Variants in ZMYND8 observed in about 807,000 individuals in gnomAD.
ZMYND8 encodes the protein MYND-type zinc finger-containing chromatin reader ZMYND8.
ZMYND8 carries 37 observed loss-of-function variants against 140.8 expected under a neutral mutation model. The ratio of observed to expected loss-of-function variants is 0.26; its 90% CI spans 0.20 to 0.35. The LOEUF (loss-of-function observed/expected upper bound fraction) is 0.35. Ranked by LOEUF, ZMYND8 falls within the 10% of genes least tolerant of loss-of-function variation. ZMYND8 has a pLI of 1.00. For synonymous variants in ZMYND8, 592 were observed against 597.1 expected, an observed-to-expected ratio of 0.99 and a Z score of 0.12; for missense variants, 1,068 against 1,570.0, an observed-to-expected ratio of 0.68 and a Z score of 5.40.
chr20:47,340,807 TA>T (rs11481340), intron 2 of ZMYND8, among the ~76,000 whole-genome samples: 621 of 133,304 alleles, frequency 4.7e-3, no homozygotes, highest in Middle Eastern at 0.026. Flanking sequence ...TTTTTTAATG[TA>T]AAAAAAAAAA....
At chr20:47,261,178 G>A (rs995960682) in intron 12 of ZMYND8, among the ~76,000 whole-genome samples, 4 of 152,106 alleles carry the variant, frequency 2.6e-5, no homozygotes, top group Admixed American at 6.6e-5. Flanking sequence ...CCAAGATCAC[G>A]CCATTGCATT....
intron 11 of ZMYND8, among the ~76,000 whole-genome samples, chr20:47,264,072 C>A (rs1234668520): frequency 6.6e-6 from 1 of 152,050 alleles, no homozygotes. Flanking sequence ...CAGAGCGGCC[C>A]CCCACAAGAA....
chr20:47,332,605 G>A (rs1043931012), intron 2 of ZMYND8, among the ~76,000 whole-genome samples: 22 of 152,156 alleles, frequency 1.4e-4, no homozygotes, highest in African/African-American at 4.3e-4. Context: ...AGCTACTCAA[G>A]AGGCTGAGAT....
intron 22 of ZMYND8, 92 bp downstream of exon 22, chr20:47,212,550 C>T: frequency 7.0e-7 from 1 of 1,428,134 alleles, no homozygotes; most frequent in Non-Finnish European, 9.9e-7. Context: ...GACACACCCA[C>T]AAAGGAACAC....
intron 12 of ZMYND8, among the ~76,000 whole-genome samples, chr20:47,252,390 G>C (rs947405214): frequency 2.0e-5 from 3 of 151,936 alleles, no homozygotes; most frequent in African/African-American, 4.8e-5. Context: ...GACAGCAAAG[G>C]GGGAGGGATT....
chr20:47,211,682 C>CT (rs1460026935), intron 22 of ZMYND8, among the ~76,000 whole-genome samples: 9 of 152,316 alleles, frequency 5.9e-5, no homozygotes, highest in Admixed American at 5.9e-4. Context: ...CAGCCAAGCC[C>CT]TAAGATCCCA....
In ZMYND8 at chr20:47,210,777, T is replaced by G. The variant is rs777034279; in HGVS notation, c.3689A>C (p.Asp1230Ala). ...KSLLPKESRL[D>A]TFWD ...GATTCACTGCTAGTCCCAGAAGGTG[T>G]CCAGCCGAGACTCTTTCGGGAGGAG... The change falls in exon 23 of 23, where the codon GAC (aspartate) becomes GCC (alanine). Residue 1230 changes from aspartate to alanine, a missense_variant. Asp to Ala is a moderately radical substitution (Grantham distance 126, BLOSUM62 -2). Around this residue, in one of 10 missense-constraint regions of ZMYND8, gnomAD observed 180 missense variants for 187.8 expected, o/e 0.96. Transcript: ENST00000471951. 9 of 1,614,012 alleles carry G rather than the reference T, an allele frequency of 5.6e-6. No individual in the cohort carries two copies. Among genetic ancestry groups the G allele is most frequent in the Non-Finnish European group, 6.8e-6 (8 of 1,180,046 alleles).
intron 22 of ZMYND8, among the ~76,000 whole-genome samples, chr20:47,212,412 C>T (rs771372100): frequency 3.3e-5 from 5 of 152,164 alleles, no homozygotes; most frequent in African/African-American, 9.7e-5. Flanking sequence ...AGAGCGAGGA[C>T]GATCTCCATC....
intron 1 of ZMYND8, chr20:47,354,520 T>A (rs1269149122): frequency 6.6e-6 from 1 of 152,230 alleles, no homozygotes; most frequent in East Asian, 1.9e-4. Flanking sequence ...ATTAACTGCC[T>A]GCAGTTTTAC....
At chr20:47,257,000 AC>A (rs1476991808) in intron 12 of ZMYND8, among the ~76,000 whole-genome samples, 4 of 152,152 alleles carry the variant, frequency 2.6e-5, no homozygotes, top group African/African-American at 4.8e-5. Flanking sequence ...GAGAAAGCAA[AC>A]AGGAGTCTGG....
chr20:47,326,388 C>T (rs1429037617), intron 2 of ZMYND8, among the ~76,000 whole-genome samples: 1 of 152,254 alleles, frequency 6.6e-6, no homozygotes, highest in South Asian at 2.1e-4. Flanking sequence ...AGGCGTGAGC[C>T]ACCATGCCCG....
rs377161786 is a variant in ZMYND8, at chr20:47,249,344, G to A, written c.1717C>T (p.Arg573Cys). The A allele has an allele frequency of 1.9e-6, 3 of 1,614,100 alleles. No individual in the cohort carries two copies. Among genetic ancestry groups the A allele is most frequent in the South Asian group, 1.1e-5 (1 of 91,076 alleles). The change falls in exon 13 of 23, where the codon CGT (arginine) becomes TGT (cysteine). Residue 573 changes from arginine to cysteine, a missense_variant. Transcript: ENST00000471951. Reference sequence around the variant, plus strand: ...TCAAGATTCAGCTGGAACCTGCTACGAATCTGGCGCTTGGGAGAGATGAGA... The same window carrying A: ...TCAAGATTCAGCTGGAACCTGCTACAAATCTGGCGCTTGGGAGAGATGAGA... ...VPLISPKRQI[R>C]SRFQLNLDKT...
intron 10 of ZMYND8, among the ~76,000 whole-genome samples, chr20:47,277,708 T>C (rs998928021): frequency 2.0e-5 from 3 of 151,950 alleles, no homozygotes; most frequent in African/African-American, 4.8e-5. Flanking sequence ...TCTCGCTCTA[T>C]TGCCCAGGCT....
intron 14 of ZMYND8, 118 bp from the exon 15 acceptor site, chr20:47,239,256 A>G (rs1242500741): frequency 9.7e-6 from 13 of 1,341,112 alleles, no homozygotes; most frequent in Middle Eastern, 2.7e-4. Flanking sequence ...TGCCGAACCA[A>G]TTCGACGTGC....
rs1251124265 is a variant in ZMYND8, at chr20:47,345,840, GGA to G, written c.85+2014_85+2015del. ...TTTTTTTTTAATAGAGATGGGGGCG[GGA>G]GGGGGGGGTCTCGTTAAGTTGCCCA... On this transcript the variant is annotated intron_variant, in intron 2 of 22. Transcript: ENST00000471951. Among the ~76,000 whole-genome samples, 96 of 150,574 alleles carry G rather than the reference GGA, an allele frequency of 6.4e-4. 1 individual carries two copies. The highest frequency in any genetic ancestry group is 3.4e-3 in the Middle Eastern group (1 of 294).
intron 1 of ZMYND8, chr20:47,349,257 GT>G (rs1327466525): frequency 6.6e-6 from 1 of 152,334 alleles, no homozygotes; most frequent in African/African-American, 2.4e-5. Context: ...AAGAAAGGTA[GT>G]TGGGTTTAAA....
chr20:47,255,744 A>ACGG (rs1413677672), intron 12 of ZMYND8, among the ~76,000 whole-genome samples: 1 of 56,664 alleles, frequency 1.8e-5, no homozygotes, highest in African/African-American at 7.3e-5. Context: ...ATATATATAT[A>ACGG]TATATATATA....
At chr20:47,285,863 GAGAAAGC>G in intron 8 of ZMYND8, 1 of 976,748 alleles carries the variant, frequency 1.0e-6, no homozygotes, top group Non-Finnish European at 1.2e-6. Flanking sequence ...TAAACTAAGT[GAGAAAGC>G]AGTTTATAAA....
intron 2 of ZMYND8, among the ~76,000 whole-genome samples, chr20:47,315,432 G>T (rs985955447): frequency 3.9e-5 from 6 of 152,174 alleles, no homozygotes; most frequent in Non-Finnish European, 5.9e-5. Flanking sequence ...AACAGCAGGA[G>T]ATTTCAATGA....
Sources: gnomAD v4.1 joint callset for allele counts (sites outside exome capture counted in the v4.1 genomes callset) on GRCh38, gnomAD v4.1.1 for gene constraint, gnomAD v4.1.1 regional missense constraint, MANE v1.5 for transcripts, NCBI Gene and HGNC (gene_info 2026-07-23, HGNC 2026-07-21) for gene names.